Variants in LURAP1L observed in about 807,000 individuals in gnomAD.
LURAP1L encodes the protein leucine rich adaptor protein 1 like.
A neutral mutation model predicts 13.8 loss-of-function variants in LURAP1L; 12 were observed. That is an observed-to-expected ratio of 0.87 (90% confidence interval 0.56 to 1.41). The LOEUF (loss-of-function observed/expected upper bound fraction) is 1.41, where lower values mean the gene tolerates loss of function less well. LURAP1L is among the 40% of genes most tolerant of loss of function. LURAP1L has a pLI of 0.00. For missense variants in LURAP1L, 375 were observed against 292.9 expected, an observed-to-expected ratio of 1.28 and a Z score of -2.04; for synonymous variants, 139 against 119.2, an observed-to-expected ratio of 1.17 and a Z score of -1.08.
intron 1 of LURAP1L, among the ~76,000 whole-genome samples, chr9:12,805,291 T>C (rs185403192): frequency 6.6e-6 from 1 of 152,282 alleles, no homozygotes; most frequent in African/African-American, 2.4e-5. Flanking sequence ...TAGACTCTAA[T>C]ATTAGAAAAA....
intron 1 of LURAP1L, among the ~76,000 whole-genome samples, chr9:12,820,621 A>G (rs1422049928): frequency 6.6e-6 from 1 of 151,616 alleles, no homozygotes; most frequent in Non-Finnish European, 1.5e-5. Context: ...TATATCTGAA[A>G]CAAATAGTCA....
At chr9:12,821,209 TTATTA>T in intron 1 of LURAP1L, among the ~76,000 whole-genome samples, 172 bp from the exon 2 acceptor site, 1 of 152,048 alleles carries the variant, frequency 6.6e-6, no homozygotes, top group Admixed American at 6.5e-5. Context: ...TGAGTTTTTT[TTATTA>T]TAACTCCTAC....
intron 1 of LURAP1L, among the ~76,000 whole-genome samples, chr9:12,776,627 G>T (rs1819188991): frequency 6.6e-6 from 1 of 151,972 alleles, no homozygotes; most frequent in Admixed American, 6.6e-5. Context: ...TGAAAACAAT[G>T]GCCTACTCGT....
At chr9:12,780,830 C>CTTACTCCTCCCCATT (rs1679393288) in intron 1 of LURAP1L, among the ~76,000 whole-genome samples, 1 of 151,972 alleles carries the variant, frequency 6.6e-6, no homozygotes, top group Non-Finnish European at 1.5e-5. Flanking sequence ...TTCACTTAAT[C>CTTACTCCTCCCCATT]TTACTCCTCC....
At chr9:12,784,569 C>G (rs1374626448) in intron 1 of LURAP1L, among the ~76,000 whole-genome samples, 3 of 152,136 alleles carry the variant, frequency 2.0e-5, no homozygotes, top group Non-Finnish European at 4.4e-5. Context: ...TGCTGAGCTT[C>G]CTAGAATTGG....
chr9:12,788,201 G>GAAAAA (rs1168102200), intron 1 of LURAP1L, among the ~76,000 whole-genome samples: 2 of 106,626 alleles, frequency 1.9e-5, no homozygotes, highest in African/African-American at 7.6e-5. Context: ...GAAAAGAAAA[G>GAAAAA]AAAAGAAAAG....
intron 1 of LURAP1L, among the ~76,000 whole-genome samples, chr9:12,794,086 T>C (rs998637541): frequency 5.3e-5 from 8 of 152,078 alleles, no homozygotes; most frequent in African/African-American, 1.7e-4. Context: ...GTCCACATTG[T>C]TGAGTTTAAA....
intron 1 of LURAP1L, among the ~76,000 whole-genome samples, chr9:12,812,731 C>T (rs1382152719): frequency 6.6e-6 from 1 of 152,156 alleles, no homozygotes; most frequent in African/African-American, 2.4e-5. Context: ...ATCTCCTCAA[C>T]AATCTTCAAA....
chr9:12,806,206 T>G (rs1208545038), intron 1 of LURAP1L, among the ~76,000 whole-genome samples: 1 of 152,156 alleles, frequency 6.6e-6, no homozygotes, highest in Non-Finnish European at 1.5e-5. Flanking sequence ...TTTAGCTTAT[T>G]TAATGAGAGA....
chr9:12,779,045 T>G (rs1819230945), intron 1 of LURAP1L, among the ~76,000 whole-genome samples: 1 of 152,068 alleles, frequency 6.6e-6, no homozygotes, highest in African/African-American at 2.4e-5. Flanking sequence ...AATAAAACAG[T>G]GTATTGCTAT....
chr9:12,789,921 T>C (rs1281345136), intron 1 of LURAP1L, among the ~76,000 whole-genome samples: 2 of 152,200 alleles, frequency 1.3e-5, no homozygotes, highest in Non-Finnish European at 2.9e-5. Flanking sequence ...TACTTTAGTC[T>C]TATACAATTT....
chr9:12,797,869 G>A (rs184469893), intron 1 of LURAP1L, among the ~76,000 whole-genome samples: 143 of 152,086 alleles, frequency 9.4e-4, no homozygotes, highest in African/African-American at 3.2e-3. Context: ...TTAGTTTCAC[G>A]TGTATTTGAA....
intron 1 of LURAP1L, among the ~76,000 whole-genome samples, chr9:12,785,791 T>C (rs1226356673): frequency 1.3e-5 from 2 of 152,190 alleles, no homozygotes; most frequent in African/African-American, 4.8e-5. Flanking sequence ...CCCTCTTCAG[T>C]GCCTTCTTCC....
chr9:12,797,878 A>T (rs2118505191), intron 1 of LURAP1L, among the ~76,000 whole-genome samples: 1 of 152,246 alleles, frequency 6.6e-6, no homozygotes, highest in Non-Finnish European at 1.5e-5. Context: ...CGTGTATTTG[A>T]ACATAAATTC....
intron 1 of LURAP1L, among the ~76,000 whole-genome samples, chr9:12,784,686 T>C: frequency 6.6e-6 from 1 of 152,164 alleles, no homozygotes; most frequent in East Asian, 1.9e-4. Flanking sequence ...GTGGCAACTA[T>C]TGCCTGGTCA....
At position 12,799,873 on chromosome 9, in the gene LURAP1L, C is replaced by CAAA. The variant is rs58987082; in HGVS notation, c.313-21497_313-21495dup. On this transcript the variant is annotated intron_variant, in intron 1 of 1. Coordinates refer to ENST00000319264, the MANE Select transcript of LURAP1L (RefSeq NM_203403.2). ...TGGGCGACAGAGCGAGACTCCGTCT[C>CAAA]AAAAAAAAAAAAAAAAAAGCCATTT... Among the ~76,000 whole-genome samples the CAAA allele has an allele frequency of 2.5e-3, 203 of 82,456 alleles. 2 individuals are homozygous for CAAA. The highest frequency in any genetic ancestry group is 7.6e-3 in the African/African-American group (188 of 24,620). The allele number at this position is 82,456 out of a possible 152,430, so 54.1% of individuals were successfully genotyped here.
chr9:12,786,581 T>TATATATATATATCTATATATAAAC (rs61134838), intron 1 of LURAP1L, among the ~76,000 whole-genome samples: 1 of 121,438 alleles, frequency 8.2e-6, no homozygotes, highest in Non-Finnish European at 1.8e-5. Context: ...TATATATATA[T>TATATATATATATCTATATATAAAC]AAACCCTTGT....
intron 1 of LURAP1L, among the ~76,000 whole-genome samples, chr9:12,788,148 G>GAAGA (rs35187096): frequency 0.14 from 16,485 of 117,308 alleles, 1,330 homozygotes; most frequent in Non-Finnish European, 0.18. Flanking sequence ...GAAAGAGAAA[G>GAAGA]AAGAAAGAAA....
chr9:12,796,222 T>C (rs953670651), intron 1 of LURAP1L, among the ~76,000 whole-genome samples: 1 of 151,980 alleles, frequency 6.6e-6, no homozygotes, highest in Non-Finnish European at 1.5e-5. Context: ...ATCTTTTCTG[T>C]TGAAACGTAA....
Sources: allele counts gnomAD v4.1 joint callset (sites outside exome capture counted in the v4.1 genomes callset), GRCh38; gene constraint gnomAD v4.1.1; transcripts MANE v1.5; gene names NCBI Gene and HGNC (gene_info 2026-07-23, HGNC 2026-07-21).